DBR1: variants seen among roughly 807,000 people sequenced by gnomAD.
DBR1 encodes the protein debranching RNA lariats 1, also known as lariat debranching enzyme.
DBR1 carries 33 observed loss-of-function variants against 45.9 expected under a neutral mutation model. The observed-to-expected ratio is 0.72, with a 90% CI of 0.55 to 0.96. DBR1 has a LOEUF of 0.96. Among genes scored for constraint, DBR1 ranks in the 40% least tolerant of loss-of-function variants. DBR1 has a pLI of 0.00. For synonymous variants in DBR1, 235 were observed against 235.9 expected, an observed-to-expected ratio of 1.00 and a Z score of 0.04; for missense variants, 619 against 667.4, an observed-to-expected ratio of 0.93 and a Z score of 0.80.
Position 138,163,759 on chromosome 3 carries a change from G to C in DBR1, c.795+19C>G. The C allele has an allele frequency of 6.4e-7, 1 of 1,573,852 alleles. No homozygotes were observed. ...TGGAAGAGTACAACTATATTATAAA[G>C]CCACTTCACTCTTCTTACCTGAAGA... On this transcript the variant is annotated intron_variant, in intron 6 of 7. Transcript: ENST00000260803.
intron 5 of DBR1, among the ~76,000 whole-genome samples, chr3:138,166,011 G>A (rs547913334): frequency 3.3e-5 from 5 of 152,302 alleles, no homozygotes; most frequent in African/African-American, 7.2e-5. Flanking sequence ...CTTCCAAACC[G>A]TGTTTGAGGA....
At chr3:138,172,960 G>A (rs2042961950) in intron 2 of DBR1, among the ~76,000 whole-genome samples, 1 of 151,948 alleles carries the variant, frequency 6.6e-6, no homozygotes, top group African/African-American at 2.4e-5. Flanking sequence ...CTTCAGTTAA[G>A]TATAATAACA....
chr3:138,171,475 C>CAAAAAAAAAAA (rs906867666), intron 3 of DBR1, 158 bp downstream of exon 3: 14 of 69,564 alleles, frequency 2.0e-4, no homozygotes, highest in South Asian at 3.8e-4. Context: ...AACTCTGTCT[C>CAAAAAAAAAAA]AAAAAAAAAA....
chr3:138,163,356 G>T lies in DBR1; in HGVS notation c.934C>A (p.His312Asn). 5.6e-6 allele frequency: 9 copies of T among 1,613,128 alleles called. No individual in the cohort carries two copies. Among genetic ancestry groups the T allele is most frequent in the Non-Finnish European group, 7.6e-6 (9 of 1,179,514 alleles). The change falls in exon 7 of 8, where the codon CAT becomes AAT. Residue 312 changes from histidine (H) to asparagine (N), a missense_variant. By Grantham distance (68) the His-to-Asn change is moderately conservative. This residue lies in a region of DBR1 where 430 missense variants were observed against 447.7 expected (regional missense o/e 0.96). Transcript: ENST00000260803. ...LWNMPENNGL[H>N]ARWDYSATEE... ...AAATAAAGTCTGACTTACCTTGCATGCAGGCCATTATTTTCTGGCATATTC... is the reference window on the plus strand; with the variant it reads ...AAATAAAGTCTGACTTACCTTGCATTCAGGCCATTATTTTCTGGCATATTC...
At position 138,174,707 on chromosome 3, in the gene DBR1, G is replaced by C. The variant is rs371721344; in HGVS notation, c.89C>G (p.Pro30Arg). 63 of 1,612,688 alleles carry C rather than the reference G, an allele frequency of 3.9e-5. No individual in the cohort carries two copies. The highest frequency in any genetic ancestry group is 5.1e-5 in the Non-Finnish European group (60 of 1,179,644). The change falls in exon 1 of 8, where the codon CCT becomes CGT. Residue 30 changes from proline (P) to arginine (R), a missense_variant. This residue lies in a region of DBR1 where 430 missense variants were observed against 447.7 expected (regional missense o/e 0.96). Coordinates refer to ENST00000260803, the MANE Select transcript of DBR1 (RefSeq NM_016216.4). ...LALAERRGPG[P>R]VDLLLCCGDF... is the part of the protein sequence containing the mutation. ...GCCGCAGCACAGCAAGAGGTCGACA[G>C]GCCCCGGGCCGCGCCGCTCTGCCAG...
At chr3:138,172,479 C>T (rs1233464213) in intron 2 of DBR1, among the ~76,000 whole-genome samples, 1 of 152,166 alleles carries the variant, frequency 6.6e-6, no homozygotes, top group South Asian at 2.1e-4. Flanking sequence ...CTTGCAGTCA[C>T]AGCTACTTGG....
chr3:138,174,758 A>G lies in DBR1; in HGVS notation c.38T>C (p.Leu13Pro). Residue 13 changes from leucine to proline, a missense_variant, in exon 1 of 8, where the codon CTG (leucine) becomes CCG (proline). Physicochemically the swap from Leu to Pro is moderately conservative, Grantham distance 98. Transcript: ENST00000260803. ...VAVAGCCHGE[L>P]DKIYETLALA... The stretch of plus-strand genomic sequence containing the variant: ...CGCCAGCGTCTCATAGATCTTATCC[A>G]GCTCGCCGTGGCAGCAGCCAGCCAC... 6.2e-7 allele frequency: 1 copy of G among 1,612,204 alleles called. No individual in the cohort carries two copies. The highest frequency in any genetic ancestry group is 8.5e-7 in the Non-Finnish European group (1 of 1,179,744).
At chr3:138,166,592 C>T (rs993309297) in intron 5 of DBR1, among the ~76,000 whole-genome samples, 42 of 152,156 alleles carry the variant, frequency 2.8e-4, no homozygotes, top group African/African-American at 1.0e-3. Context: ...CCCCAAATTT[C>T]CCCATCATCT....
chr3:138,169,763 C>T (rs570947690), intron 4 of DBR1, among the ~76,000 whole-genome samples: 5 of 152,206 alleles, frequency 3.3e-5, no homozygotes, highest in African/African-American at 1.2e-4. Flanking sequence ...GAAACCCCAT[C>T]CCTACTACAA....
intron 2 of DBR1, 53 bp downstream of exon 2, chr3:138,173,449 G>A: frequency 3.1e-6 from 5 of 1,596,972 alleles, no homozygotes; most frequent in Non-Finnish European, 4.3e-6. Flanking sequence ...CGCAAATCCT[G>A]ATAAGCTCTT....
chr3:138,172,306 G>A (rs1217684674), intron 2 of DBR1, among the ~76,000 whole-genome samples: 1 of 152,192 alleles, frequency 6.6e-6, no homozygotes, highest in Non-Finnish European at 1.5e-5. Flanking sequence ...GGATGAAGCT[G>A]GGTGCGGTGG....
At position 138,167,115 on chromosome 3, in the gene DBR1, A is replaced by G; in HGVS notation, c.680T>C (p.Leu227Pro). The change falls in exon 5 of 8, where the codon CTT (leucine) becomes CCT (proline). Residue 227 changes from leucine to proline, a missense_variant. Transcript: ENST00000260803. ...CATCAAGGCGGCAAACTTCACATGAAGGTGGGCAGAAAACCAATAAGTAGG... is the reference window on the plus strand; with the variant it reads ...CATCAAGGCGGCAAACTTCACATGAGGGTGGGCAGAAAACCAATAAGTAGG... The part of the protein sequence containing the change: ...LKPTYWFSAH[L>P]HVKFAALMQH... 6.2e-7 allele frequency: 1 copy of G among 1,614,182 alleles called. No homozygotes were observed. Among genetic ancestry groups the G allele is most frequent in the Middle Eastern group, 1.6e-4 (1 of 6,062 alleles).
In DBR1 at chr3:138,161,338, T is replaced by C. The variant is rs776478202; in HGVS notation, c.*551A>G. 6.5e-6 allele frequency: 1 copy of C among 153,446 alleles called. No individual in the cohort carries two copies. Among genetic ancestry groups the C allele is most frequent in the East Asian group, 1.9e-4 (1 of 5,214 alleles). The allele number at this position is 153,446 out of a possible 1,614,324, so 9.5% of individuals were successfully genotyped here. ...TTATTGTAAAAATGGAAGTGAATAA[T>C]GTATGTCTTCAAAAAAAAAGATACC... On this transcript the variant is annotated 3_prime_UTR_variant, in exon 8 of 8. Transcript: ENST00000260803.
chr3:138,171,502 C>CAAAAAAAAAAAAAAAAAAAAAAAA (rs2042954743), intron 3 of DBR1, 131 bp downstream of exon 3: 1 of 188,998 alleles, frequency 5.3e-6, no homozygotes, highest in Admixed American at 7.4e-5. Context: ...AAAAAAAAAG[C>CAAAAAAAAAAAAAAAAAAAAAAAA]AAAATACTAA....
chr3:138,170,160 T>C lies in DBR1; in HGVS notation c.436A>G (p.Thr146Ala). Reference protein sequence around the residue: ...HFECPPYNSSTIRSIYHVRNI... With the variant: ...HFECPPYNSSAIRSIYHVRNI... ...CTCACATGATATATACTCCTGATTG[T>C]AGATGAATTATAAGGGGGGCACTCA... The change falls in exon 4 of 8, where the codon ACA becomes GCA. Residue 146 changes from threonine to alanine, a missense_variant. Around this residue, in one of 3 missense-constraint regions of DBR1, gnomAD observed 430 missense variants for 447.7 expected, o/e 0.96. Transcript: ENST00000260803. 6.3e-7 allele frequency: 1 copy of C among 1,598,314 alleles called. No homozygotes were observed. The highest frequency in any genetic ancestry group is 8.5e-7 in the Non-Finnish European group (1 of 1,170,680).
Position 138,174,850 on chromosome 3 carries a change from C to A in DBR1, c.-55G>T. Reference sequence around the variant, plus strand: ...TGCAACGCCCTACACCACAGCCAGCCCAGGACCGACTGATCGCTCAGCTCC... The same window carrying A: ...TGCAACGCCCTACACCACAGCCAGCACAGGACCGACTGATCGCTCAGCTCC... On this transcript the variant is annotated 5_prime_UTR_variant, in exon 1 of 8. Transcript: ENST00000260803. 1 of 1,544,272 alleles carries A rather than the reference C, an allele frequency of 6.5e-7. No individual in the cohort carries two copies.
intron 3 of DBR1, among the ~76,000 whole-genome samples, chr3:138,170,731 A>G (rs997992827): frequency 6.6e-6 from 1 of 152,250 alleles, no homozygotes; most frequent in African/African-American, 2.4e-5. Flanking sequence ...TTAGCTGTCA[A>G]TGTAATTCAT....
intron 4 of DBR1, among the ~76,000 whole-genome samples, chr3:138,167,851 G>A (rs538332499): frequency 1.7e-4 from 26 of 152,176 alleles, no homozygotes; most frequent in Non-Finnish European, 1.8e-4. Flanking sequence ...GGAGACTGAG[G>A]CAGGAGAATC....
At chr3:138,163,258 C>A (rs186008284) in intron 7 of DBR1, 91 bp downstream of exon 7, 5 of 1,357,476 alleles carry the variant, frequency 3.7e-6, no homozygotes, top group South Asian at 2.7e-5. Flanking sequence ...CAGAGCTAGA[C>A]CCTGTTTCAA....
Sources: gnomAD v4.1 joint callset for allele counts (sites outside exome capture counted in the v4.1 genomes callset) on GRCh38, gnomAD v4.1.1 for gene constraint, gnomAD v4.1.1 regional missense constraint, MANE v1.5 for transcripts, NCBI Gene and HGNC (gene_info 2026-07-23, HGNC 2026-07-21) for gene names.